The following MAML1 variants were observed in gnomAD, a reference collection of about 807,000 sequenced individuals.
The protein encoded by MAML1 is mastermind-like protein 1.
Under a neutral mutation model 77.1 loss-of-function variants are expected in MAML1, and 14 were observed. The observed-to-expected ratio is 0.18, with a 90% CI of 0.12 to 0.28. The LOEUF (loss-of-function observed/expected upper bound fraction) is 0.28. MAML1 is among the 10% of genes least tolerant of loss of function. The probability of loss-of-function intolerance (pLI) is 1.00; values close to 1 mark genes in which losing one functional copy is unlikely to be tolerated. For missense variants in MAML1, 1,217 were observed against 1,327.8 expected (o/e 0.92, Z 1.30); for synonymous variants, 516 against 551.9 (o/e 0.93, Z 0.91).
chr5:179,744,474 C>T (rs1404929681), intron 1 of MAML1, among the ~76,000 whole-genome samples: 1 of 152,090 alleles, frequency 6.6e-6, no homozygotes, highest in South Asian at 2.1e-4. Flanking sequence ...GCGTGAGCCA[C>T]CACACCTGGC....
At chr5:179,749,903 C>G in intron 1 of MAML1, among the ~76,000 whole-genome samples, 1 of 152,232 alleles carries the variant, frequency 6.6e-6, no homozygotes, top group East Asian at 1.9e-4. Context: ...TGGTCCCCAC[C>G]TTGGCCCTGC....
chr5:179,755,108 C>G (rs1283108475), intron 1 of MAML1, among the ~76,000 whole-genome samples: 3 of 152,194 alleles, frequency 2.0e-5, no homozygotes, highest in Non-Finnish European at 4.4e-5. Flanking sequence ...TGTCCAAATC[C>G]TGGTTCAGCA....
At position 179,745,263 on chromosome 5, in the gene MAML1, C is replaced by T. The variant is rs141317830; in HGVS notation, c.315+11836C>T. ...AAAAAGTACAAGTTTATTAGAAATGCCCTCCCTAATGAGATAGGGCTCCCT... is the reference window on the plus strand; with the variant it reads ...AAAAAGTACAAGTTTATTAGAAATGTCCTCCCTAATGAGATAGGGCTCCCT... On this transcript the variant is annotated intron_variant, in intron 1 of 4. Transcript: ENST00000292599. 3.5e-4 allele frequency among the ~76,000 whole-genome samples: 53 copies of T among 152,122 alleles called. No homozygotes were observed. In the East Asian group the frequency reaches 9.1e-3, roughly 26 times the overall value.
intron 1 of MAML1, among the ~76,000 whole-genome samples, chr5:179,744,211 G>A (rs1159554373): frequency 1.3e-5 from 2 of 152,102 alleles, no homozygotes; most frequent in African/African-American, 2.4e-5. Context: ...TCAAGATGGA[G>A]TCTTGCTCTG....
intron 1 of MAML1, among the ~76,000 whole-genome samples, chr5:179,754,024 C>T (rs1779563524): frequency 6.6e-6 from 1 of 151,978 alleles, no homozygotes; most frequent in Non-Finnish European, 1.5e-5. Flanking sequence ...TGGCTCACGC[C>T]TGTAATCTCA....
intron 1 of MAML1, among the ~76,000 whole-genome samples, chr5:179,752,344 A>ATATATATATATATATATATATAT (rs1292142222): frequency 1.1e-5 from 1 of 93,240 alleles, no homozygotes; most frequent in Non-Finnish European, 2.0e-5. Flanking sequence ...AAAAAAAAAA[A>ATATATATATATATATATATATAT]AAAAAAATAT....
In MAML1 at chr5:179,769,080, C is replaced by T. The variant is rs367701959; in HGVS notation, c.1962C>T (p.Leu654=). Residue 654 remains leucine (L), a synonymous_variant, in exon 3 of 5, where the codon CTC becomes CTT. Transcript: ENST00000292599. This position sits in a 1 kb window ranked among gnomAD's most constrained non-coding sequence, Gnocchi z 4.2. ...TCCTTCAGAGGCAACAGCACCTTCT[C>T]GCGGAACAGGTAAAAAGAAAAGTGG... ...QQFLQRQQHL[L]AEQEKQQFQR... The T allele has an allele frequency of 1.7e-5, 27 of 1,613,980 alleles. No individual in the cohort carries two copies. The African/African-American group carries it at 2.3e-4, about 14-fold the overall frequency.
chr5:179,772,675 G>T (rs1014596984), intron 4 of MAML1, among the ~76,000 whole-genome samples: 1 of 152,026 alleles, frequency 6.6e-6, no homozygotes, highest in Non-Finnish European at 1.5e-5. Flanking sequence ...AATTTCCTGC[G>T]ACTCCTCCCT....
At chr5:179,734,158 C>T (rs1313560172) in intron 1 of MAML1, among the ~76,000 whole-genome samples, 1 of 151,882 alleles carries the variant, frequency 6.6e-6, no homozygotes, top group Non-Finnish European at 1.5e-5. Flanking sequence ...GGTTTTTCTT[C>T]CTGAAACAGA....
rs139386509 is a variant in MAML1 at position 179,765,427 on chromosome 5, G to C, written c.417G>C (p.Lys139Asn). 3 of 1,614,218 alleles carry C rather than the reference G, an allele frequency of 1.9e-6. No homozygotes were observed. In the African/African-American group the frequency reaches 4.0e-5, roughly 22 times the overall value. The stretch of plus-strand genomic sequence containing the variant: ...GGGACCTCTTTCCTGGGCATAAGAA[G>C]ACTCGCCGGGAGGCCCCTCTGGGAG... ...GYGDLFPGHK[K>N]TRREAPLGVA... The change falls in exon 2 of 5, where the codon AAG becomes AAC. Residue 139 changes from lysine (K) to asparagine (N), a missense_variant. Physicochemically the swap from Lys to Asn is moderately conservative, Grantham distance 94. Around this residue, in one of 3 missense-constraint regions of MAML1, gnomAD observed 312 missense variants for 331.4 expected, o/e 0.94. Transcript: ENST00000292599.
chr5:179,752,350 A>AAAAAAAAATATAT (rs1554150144), intron 1 of MAML1, among the ~76,000 whole-genome samples: 2 of 66,722 alleles, frequency 3.0e-5, no homozygotes, highest in African/African-American at 1.4e-4. Context: ...AAAAAAAAAA[A>AAAAAAAAATATAT]ATATATATAT....
intron 1 of MAML1, among the ~76,000 whole-genome samples, chr5:179,762,127 T>C (rs1779735478): frequency 6.6e-6 from 1 of 152,092 alleles, no homozygotes; most frequent in Non-Finnish European, 1.5e-5. Flanking sequence ...AGTGGAAGCA[T>C]GTAGGTATTG....
At chr5:179,763,290 G>T (rs1779755143) in intron 1 of MAML1, among the ~76,000 whole-genome samples, 1 of 152,162 alleles carries the variant, frequency 6.6e-6, no homozygotes, top group African/African-American at 2.4e-5. Flanking sequence ...TTTATAAAGG[G>T]TCTATTTTAT....
intron 3 of MAML1, among the ~76,000 whole-genome samples, chr5:179,770,593 A>G (rs1755967842): frequency 6.6e-6 from 1 of 152,218 alleles, no homozygotes; most frequent in Non-Finnish European, 1.5e-5. Context: ...CTGTTCATGA[A>G]CATTTGGGTT....
chr5:179,773,138 C>T (rs1475627623), intron 4 of MAML1, among the ~76,000 whole-genome samples: 1 of 152,230 alleles, frequency 6.6e-6, no homozygotes, highest in Non-Finnish European at 1.5e-5. Context: ...CCGCCTCGGT[C>T]TCCCAAAGTG....
Position 179,733,015 on chromosome 5 carries a change from C to T in MAML1, c.-98C>T, listed in dbSNP as rs1779094038. On this transcript the variant is annotated 5_prime_UTR_variant, in exon 1 of 5. Transcript: ENST00000292599. ...GCTGCCCTCGGGGGCATGGCGCGGCCGTGAGGCGGAGAGGGGTAGCCGCGG... is the reference window on the plus strand; with the variant it reads ...GCTGCCCTCGGGGGCATGGCGCGGCTGTGAGGCGGAGAGGGGTAGCCGCGG... 1 of 725,060 alleles carries T rather than the reference C, an allele frequency of 1.4e-6. No homozygotes were observed. The highest frequency in any genetic ancestry group is 5.8e-5 in the South Asian group (1 of 17,366). The allele number at this position is 725,060 out of a possible 1,614,324, so 44.9% of individuals were successfully genotyped here.
intron 1 of MAML1, among the ~76,000 whole-genome samples, chr5:179,734,635 C>T (rs72809776): frequency 4.3e-4 from 65 of 152,246 alleles, no homozygotes; most frequent in Non-Finnish European, 7.2e-4. Flanking sequence ...CTTATTATCG[C>T]CCCGTGTTCT....
intron 1 of MAML1, among the ~76,000 whole-genome samples, chr5:179,761,774 G>A (rs1207259924): frequency 6.6e-6 from 1 of 152,128 alleles, no homozygotes; most frequent in Non-Finnish European, 1.5e-5. Context: ...AGAGGGAAAG[G>A]AAGGACTGAA....
rs1756102010 is a variant in MAML1, at chr5:179,774,931, G to C, written c.*54G>C. 1 of 1,523,098 alleles carries C rather than the reference G, an allele frequency of 6.6e-7. No individual in the cohort carries two copies. The highest frequency in any genetic ancestry group is 8.8e-7 in the Non-Finnish European group (1 of 1,138,672). 94.3% of individuals were successfully genotyped at this position (1,523,098 alleles called of 1,614,324 possible). On this transcript the variant is annotated 3_prime_UTR_variant, in exon 5 of 5. Transcript: ENST00000292599. ...CATTCATCCTATATTTTTATTCTCAGATTCAAAGAAAGAGCAACTACTTTG... is the reference window on the plus strand; with the variant it reads ...CATTCATCCTATATTTTTATTCTCACATTCAAAGAAAGAGCAACTACTTTG...
Sources: allele counts gnomAD v4.1 joint callset (sites outside exome capture counted in the v4.1 genomes callset), GRCh38; gene constraint gnomAD v4.1.1; regional missense constraint gnomAD v4.1.1; non-coding constraint Gnocchi (gnomAD v3.1); transcripts MANE v1.5; gene names NCBI Gene and HGNC (gene_info 2026-07-23, HGNC 2026-07-21).